Variants in ADAMTS12 observed in about 807,000 individuals in gnomAD.
ADAMTS12 encodes ADAM metallopeptidase with thrombospondin type 1 motif 12, also known as A disintegrin and metalloproteinase with thrombospondin motifs 12.
A neutral mutation model predicts 167.8 loss-of-function variants in ADAMTS12; 118 were observed. The ratio of observed to expected loss-of-function variants is 0.70; its 90% CI spans 0.61 to 0.82. The LOEUF (loss-of-function observed/expected upper bound fraction) is 0.82, where lower values mean the gene tolerates loss of function less well. Among genes scored for constraint, ADAMTS12 ranks in the 40% least tolerant of loss-of-function variants. The pLI is 0.00. For missense variants in ADAMTS12, 1,916 were observed against 1,998.8 expected, an observed-to-expected ratio of 0.96 and a Z score of 0.79; for synonymous variants, 704 against 716.9, an observed-to-expected ratio of 0.98 and a Z score of 0.29.
intron 2 of ADAMTS12, among the ~76,000 whole-genome samples, chr5:33,789,664 G>C (rs887281746): frequency 2.6e-5 from 4 of 152,192 alleles, no homozygotes; most frequent in African/African-American, 9.7e-5. Flanking sequence ...TGCTTTGATA[G>C]AAACACACAC....
chr5:33,673,481 G>T (rs967473154), intron 5 of ADAMTS12, among the ~76,000 whole-genome samples: 4 of 152,066 alleles, frequency 2.6e-5, no homozygotes, highest in African/African-American at 9.7e-5. Flanking sequence ...CCAGTGTCTT[G>T]TTATCCCCCT....
chr5:33,717,464 T>A (rs1743655532), intron 3 of ADAMTS12, among the ~76,000 whole-genome samples: 1 of 152,162 alleles, frequency 6.6e-6, no homozygotes, highest in African/African-American at 2.4e-5. Context: ...CCCTGTAAGG[T>A]AAGTACTACT....
intron 3 of ADAMTS12, among the ~76,000 whole-genome samples, chr5:33,700,386 A>T (rs1456704571): frequency 6.6e-6 from 1 of 152,200 alleles, no homozygotes; most frequent in Non-Finnish European, 1.5e-5. Flanking sequence ...AACTTGGATG[A>T]CTCACCAGGA....
intron 1 of ADAMTS12, among the ~76,000 whole-genome samples, chr5:33,884,841 A>G (rs1750581296): frequency 6.6e-6 from 1 of 152,232 alleles, no homozygotes; most frequent in African/African-American, 2.4e-5. Context: ...TTATACATGC[A>G]AGTTTCTGCA....
intron 14 of ADAMTS12, among the ~76,000 whole-genome samples, chr5:33,621,841 G>C (rs1260401982): frequency 6.6e-6 from 1 of 152,206 alleles, no homozygotes; most frequent in Non-Finnish European, 1.5e-5. Context: ...ACAAACCACA[G>C]AGTGAGGAAG....
rs190660795 is a variant in ADAMTS12 at position 33,842,132 on chromosome 5, G to T, written c.489+38987C>A. ...TGCCTTCTCAATCTCCAGAACAAAA[G>T]GATTATGACTTTACTTTGTTAAGAC... On this transcript the variant is annotated intron_variant, in intron 2 of 23. Coordinates refer to ENST00000504830, the MANE Select transcript of ADAMTS12 (RefSeq NM_030955.4). Among the ~76,000 whole-genome samples the T allele has an allele frequency of 1.3e-3, 203 of 152,238 alleles. 1 individual carries two copies. The highest frequency in any genetic ancestry group is 4.7e-3 in the African/African-American group (195 of 41,548).
intron 3 of ADAMTS12, among the ~76,000 whole-genome samples, chr5:33,737,653 A>G (rs2112364537): frequency 6.6e-6 from 1 of 152,350 alleles, no homozygotes. Flanking sequence ...TTTTCAGGGT[A>G]GTACTCTGAA....
intron 2 of ADAMTS12, among the ~76,000 whole-genome samples, chr5:33,792,138 C>T (rs1283424150): frequency 6.6e-6 from 1 of 151,808 alleles, no homozygotes; most frequent in Non-Finnish European, 1.5e-5. Context: ...GCTGGGATTA[C>T]AGGCGCCCAC....
chr5:33,861,489 A>G (rs1749614764), intron 2 of ADAMTS12, among the ~76,000 whole-genome samples: 1 of 152,222 alleles, frequency 6.6e-6, no homozygotes, highest in East Asian at 1.9e-4. Flanking sequence ...TACCCTAAAT[A>G]TATATGCACC....
At chr5:33,642,006 A>G (rs1740477789) in intron 10 of ADAMTS12, 51 bp from the exon 11 acceptor site, 1 of 1,538,344 alleles carries the variant, frequency 6.5e-7, no homozygotes, top group African/African-American at 1.4e-5. Context: ...TTACCAGAGC[A>G]AGCTGAGCCA....
chr5:33,632,907 G>A (rs886806974), intron 12 of ADAMTS12, among the ~76,000 whole-genome samples: 5 of 152,118 alleles, frequency 3.3e-5, no homozygotes, highest in African/African-American at 1.2e-4. Flanking sequence ...TGCGGCAACG[G>A]AATGTTTATT....
chr5:33,891,768 G>T lies in ADAMTS12; in HGVS notation c.89C>A (p.Pro30His), dbSNP rs148311380. The T allele has an allele frequency of 5.7e-5, 92 of 1,614,122 alleles. No homozygotes were observed. The highest frequency in any genetic ancestry group is 1.3e-4 in the Admixed American group (8 of 60,010). Residue 30 changes from proline to histidine, a missense_variant, in exon 1 of 24, where the codon CCT becomes CAT. By Grantham distance (77) the Pro-to-His change is moderately conservative. Transcript: ENST00000504830. The stretch of plus-strand genomic sequence containing the variant: ...CGGGAAGCGAACCGGGCCTGGCTGA[G>T]GCTGTCTCCCATAGCAAAGCGCCCC... Reference protein sequence around the residue: ...NFGALCYGRQPQPGPVRFPDR... With the variant: ...NFGALCYGRQHQPGPVRFPDR...
intron 2 of ADAMTS12, among the ~76,000 whole-genome samples, chr5:33,803,032 A>G (rs1266097737): frequency 6.6e-6 from 1 of 152,212 alleles, no homozygotes; most frequent in Non-Finnish European, 1.5e-5. Context: ...CACTGATATT[A>G]TAAGATAAGG....
At chr5:33,673,546 C>G (rs1397942435) in intron 5 of ADAMTS12, among the ~76,000 whole-genome samples, 3 of 152,126 alleles carry the variant, frequency 2.0e-5, no homozygotes, top group African/African-American at 7.2e-5. Flanking sequence ...ATTTTACCTC[C>G]TCTACATCTT....
intron 9 of ADAMTS12, among the ~76,000 whole-genome samples, chr5:33,648,603 G>A (rs1436464790): frequency 2.0e-5 from 3 of 152,144 alleles, no homozygotes; most frequent in Non-Finnish European, 2.9e-5. Context: ...ACACCACCCA[G>A]TTGCAATGGA....
intron 22 of ADAMTS12, among the ~76,000 whole-genome samples, chr5:33,536,655 A>C (rs938593247): frequency 6.6e-6 from 1 of 152,126 alleles, no homozygotes; most frequent in African/African-American, 2.4e-5. Flanking sequence ...CCACTCTCTC[A>C]TTATCCCTCC....
chr5:33,789,239 C>T (rs1224365395), intron 2 of ADAMTS12, among the ~76,000 whole-genome samples: 1 of 152,182 alleles, frequency 6.6e-6, no homozygotes, highest in East Asian at 1.9e-4. Flanking sequence ...CCCAAGGCCT[C>T]AAAGACCCAG....
chr5:33,577,592 A>T (rs1218179835), intron 18 of ADAMTS12, among the ~76,000 whole-genome samples: 1 of 152,166 alleles, frequency 6.6e-6, no homozygotes, highest in African/African-American at 2.4e-5. Flanking sequence ...CGGTATAAGG[A>T]ACCTTTCCCT....
chr5:33,819,700 G>T (rs1425549702), intron 2 of ADAMTS12, among the ~76,000 whole-genome samples: 1 of 152,000 alleles, frequency 6.6e-6, no homozygotes, highest in Non-Finnish European at 1.5e-5. Flanking sequence ...CATTATAAAC[G>T]ATCCACTCAG....
Sources: allele counts gnomAD v4.1 joint callset (sites outside exome capture counted in the v4.1 genomes callset), GRCh38; gene constraint gnomAD v4.1.1; transcripts MANE v1.5; gene names NCBI Gene and HGNC (gene_info 2026-07-23, HGNC 2026-07-21).